Variants in XXYLT1 observed in about 807,000 individuals in gnomAD.
The protein encoded by XXYLT1 is UDP-xylose:alpha-xyloside alpha-1,3-xylosyltransferase.
Under a neutral mutation model 28.9 loss-of-function variants are expected in XXYLT1, and 20 were observed. The observed-to-expected ratio is 0.69, with a 90% CI of 0.49 to 1.00. XXYLT1 has a LOEUF of 1.00. XXYLT1 is among the 50% of genes least tolerant of loss of function. XXYLT1 has a pLI of 0.00. For missense variants in XXYLT1, 542 were observed against 560.1 expected, an observed-to-expected ratio of 0.97 and a Z score of 0.33; for synonymous variants, 257 against 253.8, an observed-to-expected ratio of 1.01 and a Z score of -0.12.
chr3:195,144,289 C>A (rs1354138360), intron 3 of XXYLT1, among the ~76,000 whole-genome samples: 1 of 151,978 alleles, frequency 6.6e-6, no homozygotes, highest in African/African-American at 2.4e-5. Flanking sequence ...TGGCTAATCA[C>A]ATGCCATCCA....
chr3:195,203,864 A>G (rs968300803), intron 2 of XXYLT1, among the ~76,000 whole-genome samples: 2 of 152,210 alleles, frequency 1.3e-5, no homozygotes, highest in Non-Finnish European at 2.9e-5. Context: ...CCCGGAACAG[A>G]GGCTGAGACG....
At chr3:195,110,530 CGT>C (rs1560101206) in intron 3 of XXYLT1, among the ~76,000 whole-genome samples, 6 of 16,138 alleles carry the variant, frequency 3.7e-4, no homozygotes, top group Non-Finnish European at 7.6e-4. Flanking sequence ...GCGTGGTGTA[CGT>C]GTGCGTGTGT....
At chr3:195,093,930 C>T (rs1716263036) in intron 3 of XXYLT1, 1 of 152,416 alleles carries the variant, frequency 6.6e-6, no homozygotes, top group Non-Finnish European at 1.5e-5. Flanking sequence ...AGGAGCCTAT[C>T]CTCCCCCAGC....
chr3:195,084,300 G>T (rs185901067), intron 3 of XXYLT1, among the ~76,000 whole-genome samples: 2 of 152,082 alleles, frequency 1.3e-5, no homozygotes, highest in Non-Finnish European at 2.9e-5. Context: ...AGATGGCAGG[G>T]ATCAGCTAGG....
chr3:195,072,665 C>T (rs1204966179), intron 3 of XXYLT1, among the ~76,000 whole-genome samples: 1 of 152,148 alleles, frequency 6.6e-6, no homozygotes, highest in Admixed American at 6.5e-5. Context: ...GGAAATTGGG[C>T]GTGCAAGCTG....
In XXYLT1 at chr3:195,124,410, GA is replaced by G. The variant is rs1422769005; in HGVS notation, c.785+32038del. ...CAAGACCTAGGACTCACCTGGAAGG[GA>G]AATGGTTTGCGATGGCAGCATGAGA... On this transcript the variant is annotated intron_variant, in intron 3 of 3. Coordinates refer to ENST00000310380, the MANE Select transcript of XXYLT1 (RefSeq NM_152531.5). The surrounding 1 kb of genome is among the most constrained non-coding windows in gnomAD (Gnocchi z 4.1). 6.6e-6 allele frequency among the ~76,000 whole-genome samples: 1 copy of G among 152,240 alleles called. No homozygotes were observed. The highest frequency in any genetic ancestry group is 1.5e-5 in the Non-Finnish European group (1 of 68,040).
At chr3:195,153,984 G>A (rs562623818) in intron 3 of XXYLT1, 1 of 152,310 alleles carries the variant, frequency 6.6e-6, no homozygotes, top group African/African-American at 2.4e-5. Context: ...TTAGAGCTCA[G>A]CTCTTCTCCT....
At position 195,242,303 on chromosome 3, in the gene XXYLT1, T is replaced by G. The variant is rs566514828; in HGVS notation, c.505-15447A>C. ...TTCCACATAGGACTTACTCTAAACA[T>G]TCCGGAGCACAGGCCTCCTTCTCAC... On this transcript the variant is annotated intron_variant, in intron 1 of 3. Coordinates refer to ENST00000310380, the MANE Select transcript of XXYLT1 (RefSeq NM_152531.5). 6.6e-5 allele frequency among the ~76,000 whole-genome samples: 10 copies of G among 152,278 alleles called. No individual in the cohort carries two copies. The South Asian group carries it at 2.1e-3, about 32-fold the overall frequency.
chr3:195,179,663 C>T (rs1000170228), intron 2 of XXYLT1, among the ~76,000 whole-genome samples: 1 of 151,954 alleles, frequency 6.6e-6, no homozygotes, highest in East Asian at 1.9e-4. Flanking sequence ...AACAGAAAAA[C>T]CCCAAAAACA....
intron 3 of XXYLT1, among the ~76,000 whole-genome samples, chr3:195,088,186 G>C (rs535622523): frequency 1.3e-5 from 2 of 151,662 alleles, no homozygotes; most frequent in Non-Finnish European, 2.9e-5. Flanking sequence ...GCCCACCACA[G>C]CTCAAGGAGG....
chr3:195,117,206 C>T (rs536957927), intron 3 of XXYLT1, among the ~76,000 whole-genome samples: 3 of 151,838 alleles, frequency 2.0e-5, no homozygotes, highest in East Asian at 3.9e-4. Flanking sequence ...AGCACTAGCT[C>T]GGAAGGACAC....
intron 3 of XXYLT1, among the ~76,000 whole-genome samples, chr3:195,081,651 G>A (rs979697867): frequency 4.6e-5 from 7 of 152,230 alleles, no homozygotes; most frequent in African/African-American, 1.7e-4. Context: ...CTGTGCTGCA[G>A]GCTTCCAAAT....
intron 2 of XXYLT1, among the ~76,000 whole-genome samples, chr3:195,186,827 T>C (rs1401057190): frequency 6.6e-6 from 1 of 151,672 alleles, no homozygotes; most frequent in East Asian, 2.0e-4. Context: ...AAATCTTTGC[T>C]GAGTGAGTGA....
At chr3:195,117,649 CT>C (rs1441447764) in intron 3 of XXYLT1, among the ~76,000 whole-genome samples, 1 of 148,594 alleles carries the variant, frequency 6.7e-6, no homozygotes, top group Admixed American at 6.8e-5. Context: ...ATGCACCCCC[CT>C]CTCTCACGCA....
intron 3 of XXYLT1, among the ~76,000 whole-genome samples, chr3:195,108,710 A>G (rs889010794): frequency 4.6e-5 from 7 of 152,240 alleles, no homozygotes; most frequent in Admixed American, 2.6e-4. Context: ...CTGTAACACA[A>G]TGGTATCTGT....
At chr3:195,172,567 G>C (rs58793818) in intron 2 of XXYLT1, among the ~76,000 whole-genome samples, 6,179 of 152,184 alleles carry the variant, frequency 0.041, 415 homozygotes, top group African/African-American at 0.14. Flanking sequence ...CACCCCTACT[G>C]TGAACCAGGC....
At chr3:195,241,805 C>T (rs953495000) in intron 1 of XXYLT1, among the ~76,000 whole-genome samples, 10 of 151,944 alleles carry the variant, frequency 6.6e-5, no homozygotes, top group African/African-American at 7.3e-5. Flanking sequence ...CACACACATG[C>T]GCACAACACA....
chr3:195,083,890 G>A (rs1715577805), intron 3 of XXYLT1, among the ~76,000 whole-genome samples: 1 of 152,252 alleles, frequency 6.6e-6, no homozygotes, highest in South Asian at 2.1e-4. Flanking sequence ...TCCAGGCGCG[G>A]TGGCAGGCAC....
chr3:195,264,138 T>C (rs1725771687), intron 1 of XXYLT1, among the ~76,000 whole-genome samples: 1 of 152,242 alleles, frequency 6.6e-6, no homozygotes, highest in Non-Finnish European at 1.5e-5. Context: ...TCCAGAAGTC[T>C]GTCCAGTTCT....
Sources: gnomAD v4.1 joint callset for allele counts (sites outside exome capture counted in the v4.1 genomes callset) on GRCh38, gnomAD v4.1.1 for gene constraint, Gnocchi (gnomAD v3.1) non-coding constraint, MANE v1.5 for transcripts, NCBI Gene and HGNC (gene_info 2026-07-23, HGNC 2026-07-21) for gene names.